SYN2: variants seen among roughly 807,000 people sequenced by gnomAD.
SYN2 encodes the protein synapsin-2.
In SYN2, 19 loss-of-function variants were observed where a neutral mutation model predicts 50.9. The ratio of observed to expected loss-of-function variants is 0.37; its 90% CI spans 0.26 to 0.55. The LOEUF (loss-of-function observed/expected upper bound fraction) is 0.55. Among genes scored for constraint, SYN2 ranks in the 20% least tolerant of loss-of-function variants. SYN2 has a pLI of 0.81. For missense variants in SYN2, 587 were observed against 576.4 expected (o/e 1.02, Z -0.19); for synonymous variants, 255 against 224.9 (o/e 1.13, Z -1.20).
At chr3:12,141,645 T>C (rs1323637615) in intron 2 of SYN2, among the ~76,000 whole-genome samples, 3 of 152,194 alleles carry the variant, frequency 2.0e-5, no homozygotes, top group Non-Finnish European at 4.4e-5. Flanking sequence ...TTTGCTCCTT[T>C]CTCTGCCAAT....
At chr3:12,109,826 TA>T (rs755970862) in intron 1 of SYN2, among the ~76,000 whole-genome samples, 7 of 152,332 alleles carry the variant, frequency 4.6e-5, no homozygotes, top group Non-Finnish European at 8.8e-5. Context: ...TTTGTATCCT[TA>T]CCCCTACCAT....
chr3:12,035,656 C>T (rs1229502126), intron 1 of SYN2, among the ~76,000 whole-genome samples: 1 of 152,166 alleles, frequency 6.6e-6, no homozygotes, highest in Non-Finnish European at 1.5e-5. Context: ...GAGTGGGGGC[C>T]TGCAAGTCAT....
chr3:12,170,480 C>T (rs932160770), intron 10 of SYN2, among the ~76,000 whole-genome samples: 6 of 152,214 alleles, frequency 3.9e-5, no homozygotes, highest in Non-Finnish European at 8.8e-5. Context: ...TGGCCAATCA[C>T]ACTCATGGCA....
In SYN2 at chr3:12,159,335, C is replaced by T. The variant is rs139544546; in HGVS notation, c.775-2211C>T. 90 of 156,544 alleles carry T rather than the reference C, an allele frequency of 5.7e-4. No individual in the cohort carries two copies. In the East Asian group the frequency reaches 0.015, roughly 27 times the overall value. 9.7% of individuals were successfully genotyped at this position (156,544 alleles called of 1,614,324 possible). A position where few individuals can be genotyped will look rare whatever the true frequency, so the allele number is the denominator to read the frequency against. ...CAAAAGAGACAGTGACAGAGAAGGA[C>T]GGACCCCTTGCTGAGCTGCACGCTG... On this transcript the variant is annotated intron_variant, in intron 5 of 12. Coordinates refer to ENST00000621198, the MANE Select transcript of SYN2 (RefSeq NM_133625.6).
intron 10 of SYN2, among the ~76,000 whole-genome samples, chr3:12,177,539 G>A (rs772997351): frequency 5.3e-5 from 8 of 152,114 alleles, no homozygotes; most frequent in Admixed American, 2.6e-4. Context: ...TCTGATCCCC[G>A]GCATGGGACT....
At chr3:12,096,638 T>C (rs929021436) in intron 1 of SYN2, among the ~76,000 whole-genome samples, 1 of 152,044 alleles carries the variant, frequency 6.6e-6, no homozygotes, top group Non-Finnish European at 1.5e-5. Flanking sequence ...AAGGAAACTA[T>C]ATCTAAAAAA....
intron 1 of SYN2, among the ~76,000 whole-genome samples, chr3:12,137,907 T>A (rs1242181693): frequency 2.0e-5 from 3 of 152,168 alleles, no homozygotes; most frequent in East Asian, 1.9e-4. Flanking sequence ...AAAGATAGAT[T>A]GATTGATTGG....
intron 1 of SYN2, among the ~76,000 whole-genome samples, chr3:12,137,332 T>G (rs956258074): frequency 6.6e-6 from 1 of 151,636 alleles, no homozygotes; most frequent in Admixed American, 6.6e-5. Context: ...CTAAGGGAAG[T>G]AGAGTAGTTT....
intron 1 of SYN2, among the ~76,000 whole-genome samples, chr3:12,129,512 A>G (rs17035871): frequency 0.081 from 12,310 of 152,234 alleles, 622 homozygotes; most frequent in African/African-American, 0.13. Context: ...GTTGATGAAA[A>G]TGCAAAATTT....
intron 3 of SYN2, among the ~76,000 whole-genome samples, chr3:12,143,378 TC>T (rs1222975036): frequency 1.3e-5 from 2 of 152,128 alleles, no homozygotes; most frequent in Non-Finnish European, 2.9e-5. Context: ...GTTCTAGTGT[TC>T]CATCGCCAAA....
At chr3:12,184,862 T>C (rs1485044282) in intron 11 of SYN2, 13 of 985,604 alleles carry the variant, frequency 1.3e-5, no homozygotes, top group Non-Finnish European at 1.4e-5. Flanking sequence ...CCGTGGAAGT[T>C]CATGCCAGCA....
chr3:12,061,975 C>T (rs1024742197), intron 1 of SYN2, among the ~76,000 whole-genome samples: 1 of 151,882 alleles, frequency 6.6e-6, no homozygotes, highest in African/African-American at 2.4e-5. Flanking sequence ...AGTGGAATCC[C>T]AATCAAAATC....
chr3:12,168,397 C>T lies in SYN2; in HGVS notation c.1077C>T (p.Thr359=), dbSNP rs777563013. The part of the protein sequence containing the change: ...MSDRYKLWVD[T]CSEMFGGLDI... ...CCAGGTACAAACTGTGGGTGGACAC[C>T]TGCTCTGAGATGTTTGGCGGCCTGG... The change falls in exon 9 of 13, where the codon ACC becomes ACT. Residue 359 remains threonine, a synonymous_variant. Coordinates refer to ENST00000621198, the MANE Select transcript of SYN2 (RefSeq NM_133625.6). 1.2e-5 allele frequency: 20 copies of T among 1,613,686 alleles called. No individual in the cohort carries two copies. The highest frequency in any genetic ancestry group is 1.6e-5 in the Non-Finnish European group (19 of 1,179,860).
At chr3:12,106,645 C>CT (rs1696195663) in intron 1 of SYN2, among the ~76,000 whole-genome samples, 1 of 152,048 alleles carries the variant, frequency 6.6e-6, no homozygotes, top group Non-Finnish European at 1.5e-5. Flanking sequence ...TCCCTAGTCT[C>CT]TAGCATAGTA....
At chr3:12,146,372 T>A (rs992058822) in intron 4 of SYN2, among the ~76,000 whole-genome samples, 2 of 152,200 alleles carry the variant, frequency 1.3e-5, no homozygotes, top group South Asian at 2.1e-4. Context: ...AGAAGTGTCT[T>A]GGAGATCATC....
intron 10 of SYN2, among the ~76,000 whole-genome samples, chr3:12,179,003 A>G (rs1698157401): frequency 6.6e-6 from 1 of 152,226 alleles, no homozygotes. Flanking sequence ...TAAGAATGGA[A>G]TGAGCTGGGC....
chr3:12,145,248 A>G (rs1697120499), intron 3 of SYN2, among the ~76,000 whole-genome samples: 1 of 152,128 alleles, frequency 6.6e-6, no homozygotes, highest in South Asian at 2.1e-4. Context: ...CAAACAATGA[A>G]AAAATTAGCC....
At chr3:12,062,219 A>G (rs186850687) in intron 1 of SYN2, among the ~76,000 whole-genome samples, 73 of 152,184 alleles carry the variant, frequency 4.8e-4, no homozygotes, top group African/African-American at 1.5e-3. Context: ...AAATAGACTC[A>G]CACAGATAAT....
intron 3 of SYN2, among the ~76,000 whole-genome samples, chr3:12,144,953 C>A (rs1055154669): frequency 2.0e-5 from 3 of 152,102 alleles, no homozygotes; most frequent in Non-Finnish European, 4.4e-5. Context: ...ATCTCTTGAA[C>A]CTGGGAGGCG....
Sources: gnomAD v4.1 joint callset for allele counts (sites outside exome capture counted in the v4.1 genomes callset) on GRCh38, gnomAD v4.1.1 for gene constraint, MANE v1.5 for transcripts, NCBI Gene and HGNC (gene_info 2026-07-23, HGNC 2026-07-21) for gene names.